Variants in NALCN observed in about 807,000 individuals in gnomAD.
NALCN encodes the protein sodium leak channel, non-selective, also known as sodium leak channel NALCN.
Under a neutral mutation model 225.3 loss-of-function variants are expected in NALCN, and 111 were observed. The observed-to-expected ratio is 0.49, with a 90% CI of 0.42 to 0.58. NALCN has a LOEUF of 0.58. Ranked by LOEUF, NALCN falls within the 20% of genes least tolerant of loss-of-function variation. The probability of loss-of-function intolerance (pLI) is 0.00; values close to 1 mark genes in which losing one functional copy is unlikely to be tolerated. For synonymous variants in NALCN, 764 were observed against 769.0 expected (o/e 0.99, Z 0.11); for missense variants, 1,378 against 2,202.4 (o/e 0.63, Z 7.49).
At chr13:101,190,758 T>C (rs962213770) in intron 14 of NALCN, among the ~76,000 whole-genome samples, 3 of 152,234 alleles carry the variant, frequency 2.0e-5, no homozygotes, top group Admixed American at 2.0e-4. Flanking sequence ...TTCATAGATA[T>C]TTAGAATTAA....
chr13:101,100,206 C>T (rs929445721), intron 27 of NALCN, among the ~76,000 whole-genome samples: 3 of 152,068 alleles, frequency 2.0e-5, no homozygotes, highest in African/African-American at 4.8e-5. Flanking sequence ...GAGAACCAAA[C>T]GCTGCTTCTT....
intron 11 of NALCN, among the ~76,000 whole-genome samples, chr13:101,242,731 A>C (rs2041790832): frequency 9.4e-6 from 1 of 106,714 alleles, no homozygotes; most frequent in Non-Finnish European, 2.1e-5. Flanking sequence ...ACTTTAAAGT[A>C]GTTTTCTCAA....
intron 9 of NALCN, among the ~76,000 whole-genome samples, chr13:101,289,382 T>G (rs967279262): frequency 6.6e-6 from 1 of 152,170 alleles, no homozygotes; most frequent in African/African-American, 2.4e-5. Flanking sequence ...ACCATTCAAT[T>G]GAAAAATATT....
At chr13:101,184,337 A>G (rs1270667491) in intron 14 of NALCN, among the ~76,000 whole-genome samples, 1 of 152,146 alleles carries the variant, frequency 6.6e-6, no homozygotes, top group African/African-American at 2.4e-5. Flanking sequence ...GTAATTTTCC[A>G]GGTTCAAACT....
intron 6 of NALCN, among the ~76,000 whole-genome samples, chr13:101,353,422 G>C (rs1345217781): frequency 6.6e-6 from 1 of 152,086 alleles, no homozygotes; most frequent in East Asian, 1.9e-4. Flanking sequence ...GCTTCCTCTG[G>C]TCAGGATTAA....
chr13:101,284,281 C>T (rs2043266411), intron 9 of NALCN, among the ~76,000 whole-genome samples: 1 of 152,158 alleles, frequency 6.6e-6, no homozygotes, highest in South Asian at 2.1e-4. Context: ...CATATAATTG[C>T]TCAAATATTC....
intron 14 of NALCN, among the ~76,000 whole-genome samples, chr13:101,176,962 T>C (rs1216919447): frequency 1.3e-5 from 2 of 152,200 alleles, no homozygotes; most frequent in Admixed American, 6.5e-5. Context: ...GCAGAAATAA[T>C]TGTGTGTGAC....
chr13:101,229,564 C>A lies in NALCN; in HGVS notation c.1455G>T (p.Leu485=). ...TYFQVLRVVR[L]IKISPALEDF... ...CTTCTAATGCAGGTGAAATCTTAAT[C>A]AGCCGAACTACTCGGAGAACCTATC... The change falls in exon 13 of 44, where the codon CTG becomes CTT. Residue 485 remains leucine (L), a synonymous_variant. Coordinates refer to ENST00000251127, the MANE Select transcript of NALCN (RefSeq NM_052867.4). The A allele has an allele frequency of 6.3e-7, 1 of 1,598,580 alleles. No individual in the cohort carries two copies. Among genetic ancestry groups the A allele is most frequent in the Admixed American group, 1.8e-5 (1 of 57,034 alleles).
At chr13:101,128,902 A>G (rs2036374448) in intron 17 of NALCN, among the ~76,000 whole-genome samples, 1 of 152,126 alleles carries the variant, frequency 6.6e-6, no homozygotes, top group African/African-American at 2.4e-5. Flanking sequence ...CACTCTTGGT[A>G]CAGTTCAACA....
At chr13:101,243,083 C>A (rs2041799598) in intron 11 of NALCN, among the ~76,000 whole-genome samples, 1 of 65,892 alleles carries the variant, frequency 1.5e-5, no homozygotes, top group African/African-American at 6.2e-5. Context: ...TTTCAGTTTG[C>A]AGATTTATGT....
At chr13:101,055,710 A>C (rs911936839) in intron 43 of NALCN, among the ~76,000 whole-genome samples, 1 of 152,106 alleles carries the variant, frequency 6.6e-6, no homozygotes, top group African/African-American at 2.4e-5. Flanking sequence ...TGGGAAAAAA[A>C]CGTGCTGCTC....
intron 39 of NALCN, among the ~76,000 whole-genome samples, chr13:101,066,375 AC>A (rs1420022472): frequency 1.3e-5 from 2 of 151,970 alleles, no homozygotes; most frequent in Non-Finnish European, 2.9e-5. Context: ...AAAACTATAT[AC>A]AAGAGAATTA....
chr13:101,402,874 A>T (rs1197878846), intron 1 of NALCN, among the ~76,000 whole-genome samples: 2 of 152,092 alleles, frequency 1.3e-5, no homozygotes, highest in Non-Finnish European at 2.9e-5. Context: ...CAGGTTCCCC[A>T]TGTGCAGCGG....
intron 2 of NALCN, among the ~76,000 whole-genome samples, chr13:101,398,311 T>C (rs1023462377): frequency 1.3e-5 from 2 of 152,136 alleles, no homozygotes; most frequent in African/African-American, 4.8e-5. Flanking sequence ...GTGTGTATCA[T>C]GGTTGGGGGA....
At chr13:101,274,944 T>C (rs1332277916) in intron 10 of NALCN, among the ~76,000 whole-genome samples, 1 of 151,990 alleles carries the variant, frequency 6.6e-6, no homozygotes, top group Admixed American at 6.6e-5. Flanking sequence ...AGGAGGGTGG[T>C]TGAGTAGTGG....
intron 34 of NALCN, among the ~76,000 whole-genome samples, chr13:101,080,889 T>C (rs1167063001): frequency 6.6e-6 from 1 of 151,988 alleles, no homozygotes; most frequent in Non-Finnish European, 1.5e-5. Flanking sequence ...TTGGACAATA[T>C]GGCCCTAGAT....
intron 10 of NALCN, among the ~76,000 whole-genome samples, chr13:101,282,411 G>A (rs1406618329): frequency 6.6e-6 from 1 of 152,152 alleles, no homozygotes; most frequent in Non-Finnish European, 1.5e-5. Flanking sequence ...GACACAGAAA[G>A]ACAAACACCG....
intron 7 of NALCN, among the ~76,000 whole-genome samples, chr13:101,322,579 T>C (rs1229014103): frequency 6.6e-6 from 1 of 152,234 alleles, no homozygotes; most frequent in Non-Finnish European, 1.5e-5. Flanking sequence ...TAGCAGAAGG[T>C]TGGACTTGAT....
Position 101,297,173 on chromosome 13 carries a change from G to T in NALCN, c.800-4807C>A, listed in dbSNP as rs573909879. ...TGTCATTCCACTCTCAAGTGAGAGG[G>T]TCATAAAATTGTGATGATAACTAGC... is the stretch of plus-strand genomic sequence containing the variant. On this transcript the variant is annotated intron_variant, in intron 7 of 43. Transcript: ENST00000251127. 8.5e-5 allele frequency among the ~76,000 whole-genome samples: 13 copies of T among 152,270 alleles called. No homozygotes were observed. The South Asian group carries it at 2.1e-3, about 24-fold the overall frequency.
Sources: gnomAD v4.1 joint callset for allele counts (sites outside exome capture counted in the v4.1 genomes callset) on GRCh38, gnomAD v4.1.1 for gene constraint, MANE v1.5 for transcripts, NCBI Gene and HGNC (gene_info 2026-07-23, HGNC 2026-07-21) for gene names.